The following LDB3 variants were observed in gnomAD, a reference collection of about 807,000 sequenced individuals.
The protein encoded by LDB3 is LIM domain binding 3, also known as LIM domain-binding protein 3.
A neutral mutation model predicts 69.0 loss-of-function variants in LDB3; 49 were observed. That is an observed-to-expected ratio of 0.71 (90% CI 0.56 to 0.90). The LOEUF (loss-of-function observed/expected upper bound fraction) is 0.90, where lower values mean the gene tolerates loss of function less well. Ranked by LOEUF, LDB3 falls within the 40% of genes least tolerant of loss-of-function variation. The probability of loss-of-function intolerance (pLI) is 0.00; values close to 1 mark genes in which losing one functional copy is unlikely to be tolerated. For synonymous variants in LDB3, 387 were observed against 396.2 expected (o/e 0.98, Z 0.28); for missense variants, 928 against 974.1 (o/e 0.95, Z 0.63).
chr10:86,689,051 C>A (rs1589638436), intron 5 of LDB3, among the ~76,000 whole-genome samples: 2 of 11,300 alleles, frequency 1.8e-4, no homozygotes, highest in Admixed American at 9.2e-4. Flanking sequence ...CAGTGAGTAA[C>A]CCTCTTGGCC....
rs959321198 is a variant in LDB3, at chr10:86,733,378, C to T, written c.*402C>T. 4.0e-6 allele frequency: 1 copy of T among 251,994 alleles called. No homozygotes were observed. The highest frequency in any genetic ancestry group is 7.8e-6 in the Non-Finnish European group (1 of 128,916). 15.6% of individuals were successfully genotyped at this position (251,994 alleles called of 1,614,324 possible). On this transcript the variant is annotated 3_prime_UTR_variant, in exon 14 of 14. Coordinates refer to ENST00000361373, the MANE Select transcript of LDB3 (RefSeq NM_007078.3). The stretch of plus-strand genomic sequence containing the variant: ...GCGGAGTTCTTAAGCGCTCCCCTGG[C>T]AAACAAATTGAAGTGCCAAACAGCA...
intron 9 of LDB3, among the ~76,000 whole-genome samples, chr10:86,714,133 CT>C (rs1846774463): frequency 6.6e-6 from 1 of 152,142 alleles, no homozygotes; most frequent in African/African-American, 2.4e-5. Context: ...TCATAATAAC[CT>C]TGTGAGATAC....
In LDB3 at chr10:86,710,016, C is replaced by T; in HGVS notation, c.1197C>T (p.Thr399=). The change falls in exon 9 of 14, where the codon ACC becomes ACT. Residue 399 remains threonine, a synonymous_variant. Coordinates refer to ENST00000361373, the MANE Select transcript of LDB3 (RefSeq NM_007078.3). Reference sequence around the variant, plus strand: ...CTGCACCCAAGCCCCGGGTTGTCACCACTGCCAGCATCCGGCCTTCTGTCT... The same window carrying T: ...CTGCACCCAAGCCCCGGGTTGTCACTACTGCCAGCATCCGGCCTTCTGTCT... ...AAPAPKPRVV[T]TASIRPSVYQ... 1.2e-6 allele frequency: 2 copies of T among 1,613,210 alleles called. No individual in the cohort carries two copies. The highest frequency in any genetic ancestry group is 8.5e-7 in the Non-Finnish European group (1 of 1,180,018).
chr10:86,712,701 A>T (rs1435949707), intron 9 of LDB3, among the ~76,000 whole-genome samples: 1 of 152,252 alleles, frequency 6.6e-6, no homozygotes, highest in African/African-American at 2.4e-5. Context: ...CCTATTAGCC[A>T]CATTTTTAAA....
intron 5 of LDB3, among the ~76,000 whole-genome samples, chr10:86,690,572 C>T (rs1845709074): frequency 6.6e-6 from 1 of 152,244 alleles, no homozygotes; most frequent in African/African-American, 2.4e-5. Context: ...CTCTTGTAGC[C>T]CACCCTGAGC....
Position 86,729,824 on chromosome 10 carries a change from T to G in LDB3, c.2095-3063T>G, listed in dbSNP as rs947195621. 6.6e-5 allele frequency among the ~76,000 whole-genome samples: 10 copies of G among 152,184 alleles called. 1 individual carries two copies. Among genetic ancestry groups the G allele is most frequent in the Admixed American group, 2.6e-4 (4 of 15,282 alleles). On this transcript the variant is annotated intron_variant, in intron 13 of 13. Coordinates refer to ENST00000361373, the MANE Select transcript of LDB3 (RefSeq NM_007078.3). The stretch of plus-strand genomic sequence containing the variant: ...GGACACCTTCTCTCCCCAGCCTGAC[T>G]CATCCCAAAGTTCTCACAAGCAACC...
At chr10:86,706,790 C>T in intron 8 of LDB3, 71 bp downstream of exon 8, 1 of 1,483,914 alleles carries the variant, frequency 6.7e-7, no homozygotes, top group Non-Finnish European at 9.1e-7. Flanking sequence ...CTGGGTCTAC[C>T]TGTGGCCAGC....
At chr10:86,692,732 C>T (rs1845826181) in intron 7 of LDB3, among the ~76,000 whole-genome samples, 161 bp downstream of exon 7, 14 of 152,218 alleles carry the variant, frequency 9.2e-5, no homozygotes, top group Admixed American at 9.2e-4. Context: ...GAGGCAGCAT[C>T]GTGAGTCAGT....
rs1292991462 is a variant in LDB3, at chr10:86,733,266, C to G, written c.*290C>G. 2.5e-6 allele frequency: 1 copy of G among 399,240 alleles called. No individual in the cohort carries two copies. The highest frequency in any genetic ancestry group is 2.1e-5 in the African/African-American group (1 of 48,532). 24.7% of individuals were successfully genotyped at this position (399,240 alleles called of 1,614,324 possible). A position where few individuals can be genotyped will look rare whatever the true frequency, so the allele number is the denominator to read the frequency against. On this transcript the variant is annotated 3_prime_UTR_variant, in exon 14 of 14. Coordinates refer to ENST00000361373, the MANE Select transcript of LDB3 (RefSeq NM_007078.3). Reference sequence around the variant, plus strand: ...CCAAGAACTCAAAAGTGAAAAGCAACAAGCAGCTTTCCCAAAGCGATACAC... The same window carrying G: ...CCAAGAACTCAAAAGTGAAAAGCAAGAAGCAGCTTTCCCAAAGCGATACAC...
At position 86,726,192 on chromosome 10, in the gene LDB3, T is replaced by C; in HGVS notation, c.2034T>C (p.Ala678=). The part of the protein sequence containing the change: ...KCHGCDFPVE[A]GDKFIEALGH... Reference sequence around the variant, plus strand: ...ATGGCTGCGATTTCCCCGTGGAGGCTGGCGACAAGTTTATCGAAGCCCTGG... The same window carrying C: ...ATGGCTGCGATTTCCCCGTGGAGGCCGGCGACAAGTTTATCGAAGCCCTGG... Residue 678 remains alanine, a synonymous_variant, in exon 13 of 14, where the codon GCT becomes GCC. Coordinates refer to ENST00000361373, the MANE Select transcript of LDB3 (RefSeq NM_007078.3). 6.2e-7 allele frequency: 1 copy of C among 1,614,154 alleles called. No individual in the cohort carries two copies. The highest frequency in any genetic ancestry group is 2.2e-5 in the East Asian group (1 of 44,886).
intron 12 of LDB3, 49 bp from the exon 13 acceptor site, chr10:86,726,088 C>A: frequency 1.4e-6 from 2 of 1,404,784 alleles, no homozygotes; most frequent in Non-Finnish European, 2.0e-6. Context: ...GCTTTGGGTC[C>A]CCGCTGCCCC....
chr10:86,687,076 T>C (rs765537325), intron 5 of LDB3: 1 of 1,613,964 alleles, frequency 6.2e-7, no homozygotes, highest in South Asian at 1.1e-5. Context: ...CAGCGCCGAC[T>C]ACCAGGAACG....
At chr10:86,684,884 C>T (rs1845376724) in intron 5 of LDB3, among the ~76,000 whole-genome samples, 1 of 152,156 alleles carries the variant, frequency 6.6e-6, no homozygotes, top group Non-Finnish European at 1.5e-5. Flanking sequence ...ACAGGACAGA[C>T]ACTGCTTTCC....
intron 7 of LDB3, among the ~76,000 whole-genome samples, chr10:86,696,392 G>T (rs183471110): frequency 6.6e-6 from 1 of 152,376 alleles, no homozygotes; most frequent in East Asian, 1.9e-4. Context: ...GAGCACCAGG[G>T]ATGTTGCCCC....
chr10:86,721,442 A>G (rs1847083116), intron 12 of LDB3, among the ~76,000 whole-genome samples: 1 of 152,204 alleles, frequency 6.6e-6, no homozygotes, highest in African/African-American at 2.4e-5. Context: ...GCATATAAAG[A>G]AGAGAGATAG....
chr10:86,687,682 T>C (rs1308456794), intron 5 of LDB3, among the ~76,000 whole-genome samples: 1 of 152,240 alleles, frequency 6.6e-6, no homozygotes, highest in Non-Finnish European at 1.5e-5. Flanking sequence ...TGAGAATTGA[T>C]TCAAATACAC....
At chr10:86,685,675 C>G (rs778177737) in intron 5 of LDB3, 2 of 1,614,052 alleles carry the variant, frequency 1.2e-6, no homozygotes, top group Non-Finnish European at 1.7e-6. Flanking sequence ...TTTTCCTCCC[C>G]AGGTGGTAGT....
intron 4 of LDB3, among the ~76,000 whole-genome samples, chr10:86,680,781 TCC>T: frequency 6.6e-6 from 1 of 152,286 alleles, no homozygotes; most frequent in Admixed American, 6.5e-5. Context: ...CCCCGAGGGC[TCC>T]CTGCTCAACT....
At chr10:86,726,087 C>A (rs754227696) in intron 12 of LDB3, 50 bp from the exon 13 acceptor site, 11 of 1,384,780 alleles carry the variant, frequency 7.9e-6, no homozygotes, top group Non-Finnish European at 1.1e-5. Flanking sequence ...GGCTTTGGGT[C>A]CCCGCTGCCC....
Sources: allele counts gnomAD v4.1 joint callset (sites outside exome capture counted in the v4.1 genomes callset), GRCh38; gene constraint gnomAD v4.1.1; transcripts MANE v1.5; gene names NCBI Gene and HGNC (gene_info 2026-07-23, HGNC 2026-07-21).